Variants in TNNI3K observed in about 807,000 individuals in gnomAD.
The protein encoded by TNNI3K is TNNI3 interacting kinase, also known as serine/threonine-protein kinase TNNI3K.
Under a neutral mutation model 114.5 loss-of-function variants are expected in TNNI3K, and 140 were observed. The ratio of observed to expected loss-of-function variants is 1.22; its 90% confidence interval spans 1.07 to 1.41. The LOEUF (loss-of-function observed/expected upper bound fraction) is 1.41, where lower values mean the gene tolerates loss of function less well. Ranked by LOEUF, TNNI3K falls within the 40% of genes most tolerant of loss-of-function variation. The pLI, the probability that TNNI3K is intolerant of heterozygous loss-of-function variation, is 0.00. For synonymous variants in TNNI3K, 347 were observed against 347.5 expected, an observed-to-expected ratio of 1.00 and a Z score of 0.02; for missense variants, 1,125 against 1,007.6, an observed-to-expected ratio of 1.12 and a Z score of -1.58.
At chr1:74,501,085 T>A (rs1669600817) in intron 23 of TNNI3K, among the ~76,000 whole-genome samples, 1 of 152,192 alleles carries the variant, frequency 6.6e-6, no homozygotes, top group South Asian at 2.1e-4. Context: ...TATCTCTTTC[T>A]GGAATTCTAG....
At chr1:74,254,882 A>G (rs12138178) in intron 4 of TNNI3K, among the ~76,000 whole-genome samples, 23,140 of 152,164 alleles carry the variant, frequency 0.15, 1,988 homozygotes, top group African/African-American at 0.23. Context: ...TACAATGCTC[A>G]TATACATGGG....
At chr1:74,341,585 A>G (rs1487245898) in intron 7 of TNNI3K, 1 of 149,800 alleles carries the variant, frequency 6.7e-6, no homozygotes, top group East Asian at 1.9e-4. Context: ...TTTACTTTCA[A>G]GTATTAGAAA....
chr1:74,362,437 C>T (rs114879680), intron 11 of TNNI3K, among the ~76,000 whole-genome samples: 1,953 of 152,134 alleles, frequency 0.013, 43 homozygotes, highest in African/African-American at 0.042. Context: ...CTCTGAGTCA[C>T]CAAATCATGG....
In TNNI3K at chr1:74,407,974, C is replaced by T. The variant is rs1262426426; in HGVS notation, c.1773-28106C>T. ...TAATGTCACTCGTCCTCATAGATCA[C>T]ACTCATGAATTTGACCTACTATTGT... On this transcript the variant is annotated intron_variant, in intron 17 of 24. Transcript: ENST00000326637. 2.6e-5 allele frequency among the ~76,000 whole-genome samples: 4 copies of T among 152,132 alleles called. No homozygotes were observed. The South Asian group carries it at 6.2e-4, about 24-fold the overall frequency.
At chr1:74,442,678 T>G (rs1666428345) in intron 20 of TNNI3K, among the ~76,000 whole-genome samples, 1 of 152,114 alleles carries the variant, frequency 6.6e-6, no homozygotes, top group Non-Finnish European at 1.5e-5. Context: ...CCTTGCATAT[T>G]TTTATTATAC....
At chr1:74,469,543 A>C in intron 21 of TNNI3K, 1 of 187,606 alleles carries the variant, frequency 5.3e-6, no homozygotes. Flanking sequence ...ATCTGCTCAA[A>C]TACTCTTCTT....
chr1:74,509,477 A>G (rs1670068264), intron 23 of TNNI3K, among the ~76,000 whole-genome samples: 1 of 152,210 alleles, frequency 6.6e-6, no homozygotes, highest in Non-Finnish European at 1.5e-5. Context: ...TTTTACACAA[A>G]TGAATGATTT....
At chr1:74,300,048 C>G (rs1014140212) in intron 5 of TNNI3K, among the ~76,000 whole-genome samples, 1 of 152,046 alleles carries the variant, frequency 6.6e-6, no homozygotes, top group African/African-American at 2.4e-5. Flanking sequence ...TTGCGTCTAC[C>G]TTGAATTCAC....
intron 4 of TNNI3K, among the ~76,000 whole-genome samples, chr1:74,259,836 A>G (rs1245763181): frequency 6.6e-6 from 1 of 152,110 alleles, no homozygotes; most frequent in Non-Finnish European, 1.5e-5. Flanking sequence ...AGACACCCAG[A>G]AATAATGTTT....
intron 23 of TNNI3K, among the ~76,000 whole-genome samples, chr1:74,494,213 T>C (rs1381449872): frequency 6.6e-6 from 1 of 152,082 alleles, no homozygotes; most frequent in Non-Finnish European, 1.5e-5. Flanking sequence ...ACTCATACAC[T>C]CCATTATCAG....
intron 23 of TNNI3K, among the ~76,000 whole-genome samples, chr1:74,516,869 T>C (rs1306776012): frequency 1.3e-5 from 2 of 152,210 alleles, no homozygotes; most frequent in African/African-American, 4.8e-5. Context: ...GAAATGCCCT[T>C]ATTGCCAGTT....
chr1:74,396,771 G>A (rs1664103745), intron 17 of TNNI3K, among the ~76,000 whole-genome samples: 1 of 152,202 alleles, frequency 6.6e-6, no homozygotes, highest in Admixed American at 6.5e-5. Context: ...AAGCATTTGA[G>A]AACCAACAAG....
intron 17 of TNNI3K, chr1:74,372,351 A>G (rs1259465792): frequency 6.6e-6 from 1 of 151,754 alleles, no homozygotes; most frequent in East Asian, 1.9e-4. Context: ...TACAGCTCAG[A>G]CTGCCCTCAG....
intron 21 of TNNI3K, chr1:74,472,106 G>T (rs753297096): frequency 4.2e-6 from 3 of 717,032 alleles, no homozygotes; most frequent in South Asian, 3.0e-5. Flanking sequence ...ATTGGAGGCT[G>T]CCATGATTCA....
At chr1:74,309,241 GC>G (rs1328468000) in intron 5 of TNNI3K, among the ~76,000 whole-genome samples, 2 of 148,242 alleles carry the variant, frequency 1.3e-5, no homozygotes, top group African/African-American at 5.0e-5. Context: ...GGTGGCGGGC[GC>G]CTGTAGTCCC....
rs962399798 is a variant in TNNI3K at position 74,492,225 on chromosome 1, A to G, written c.2310A>G (p.Glu770=). ...VAALRSRFEL[E]YALNARSYAA... ...CATTAAGAAGTCGTTTCGAATTGGA[A>G]TATGCTCTAAATGCAAGGTCCTATG... is the stretch of plus-strand genomic sequence containing the variant. The change falls in exon 23 of 25, where the codon GAA becomes GAG. Residue 770 remains glutamate (E), a synonymous_variant. Coordinates refer to ENST00000326637, the MANE Select transcript of TNNI3K (RefSeq NM_015978.3). 3.7e-6 allele frequency: 6 copies of G among 1,612,432 alleles called. No homozygotes were observed. In the African/African-American group the frequency reaches 8.0e-5, roughly 22 times the overall value.
intron 17 of TNNI3K, among the ~76,000 whole-genome samples, chr1:74,416,869 G>A (rs1318368165): frequency 2.0e-5 from 3 of 151,860 alleles, no homozygotes; most frequent in African/African-American, 7.3e-5. Context: ...CTTTGTGGAA[G>A]ACTCCATGGT....
At chr1:74,338,531 G>A (rs1660594341) in intron 7 of TNNI3K, among the ~76,000 whole-genome samples, 1 of 151,430 alleles carries the variant, frequency 6.6e-6, no homozygotes, top group Non-Finnish European at 1.5e-5. Flanking sequence ...CTAATTAAAA[G>A]CCCAGCTGTA....
chr1:74,327,032 G>T (rs1192931627), intron 5 of TNNI3K, among the ~76,000 whole-genome samples: 1 of 148,970 alleles, frequency 6.7e-6, no homozygotes, highest in Non-Finnish European at 1.5e-5. Context: ...AGTGAGCCGA[G>T]ATTGCGCCAC....
Sources: allele counts gnomAD v4.1 joint callset (sites outside exome capture counted in the v4.1 genomes callset), GRCh38; gene constraint gnomAD v4.1.1; transcripts MANE v1.5; gene names NCBI Gene and HGNC (gene_info 2026-07-23, HGNC 2026-07-21).